Variants in ALK observed in about 807,000 individuals in gnomAD.
The protein encoded by ALK is ALK tyrosine kinase receptor.
A neutral mutation model predicts 163.1 loss-of-function variants in ALK; 74 were observed. That is an observed-to-expected ratio of 0.45 (90% CI 0.38 to 0.55). The LOEUF is 0.55. Among genes scored for constraint, ALK ranks in the 20% least tolerant of loss-of-function variants. The pLI is 0.00. For missense variants in ALK, 2,063 were observed against 2,105.3 expected (o/e 0.98, Z 0.39); for synonymous variants, 960 against 843.2 (o/e 1.14, Z -2.40).
intron 3 of ALK, among the ~76,000 whole-genome samples, chr2:29,556,028 TC>T (rs1050143315): frequency 9.2e-5 from 14 of 152,192 alleles, no homozygotes; most frequent in African/African-American, 2.7e-4. Flanking sequence ...GGATTTGAAA[TC>T]CTGAGCATCT....
chr2:29,833,027 G>C (rs772381369), intron 1 of ALK, among the ~76,000 whole-genome samples: 2 of 152,122 alleles, frequency 1.3e-5, no homozygotes, highest in South Asian at 2.1e-4. Flanking sequence ...GCCCAGTGTG[G>C]GTGGGTGCAC....
chr2:29,844,903 A>G (rs966258047), intron 1 of ALK, among the ~76,000 whole-genome samples: 3 of 151,770 alleles, frequency 2.0e-5, no homozygotes, highest in Admixed American at 2.0e-4. Context: ...GCACACACAC[A>G]CAGTACACAC....
intron 3 of ALK, among the ~76,000 whole-genome samples, chr2:29,679,618 T>C (rs1448834197): frequency 6.6e-6 from 1 of 151,954 alleles, no homozygotes; most frequent in Non-Finnish European, 1.5e-5. Flanking sequence ...CTACTCTCCA[T>C]TTTTGTGCTG....
intron 5 of ALK, among the ~76,000 whole-genome samples, chr2:29,364,772 C>T (rs186053783): frequency 6.6e-5 from 10 of 152,268 alleles, no homozygotes; most frequent in Non-Finnish European, 8.8e-5. Flanking sequence ...TTAATTCATC[C>T]ATTCATCATC....
intron 4 of ALK, among the ~76,000 whole-genome samples, chr2:29,419,373 G>A (rs1669962282): frequency 6.6e-6 from 1 of 151,332 alleles, no homozygotes; most frequent in Non-Finnish European, 1.5e-5. Context: ...ATTTCCCCAT[G>A]TGCTTATAAT....
At chr2:29,452,220 C>T (rs1670836838) in intron 4 of ALK, among the ~76,000 whole-genome samples, 1 of 152,178 alleles carries the variant, frequency 6.6e-6, no homozygotes, top group African/African-American at 2.4e-5. Flanking sequence ...CCAGCCATGC[C>T]TGGCTGATTT....
At chr2:29,799,318 G>T (rs1014267278) in intron 1 of ALK, among the ~76,000 whole-genome samples, 3 of 152,172 alleles carry the variant, frequency 2.0e-5, no homozygotes, top group Non-Finnish European at 4.4e-5. Flanking sequence ...TCAGAATGGG[G>T]TCACAGAAGA....
Position 29,254,030 on chromosome 2 carries a change from C to CATG in ALK, c.2042-2766_2042-2764dup, listed in dbSNP as rs1299393152. Among the ~76,000 whole-genome samples, 5 of 152,276 alleles carry CATG rather than the reference C, an allele frequency of 3.3e-5. No individual in the cohort carries two copies. In the East Asian group the frequency reaches 9.7e-4, roughly 30 times the overall value. On this transcript the variant is annotated intron_variant, in intron 11 of 28. Coordinates refer to ENST00000389048, the MANE Select transcript of ALK (RefSeq NM_004304.5). ...GGGTAAGTTTTCCCCATCCTGTTCT[C>CATG]ATGATAGTGAGTTAGTTCTCACAAG...
chr2:29,885,476 CT>C (rs1666963915), intron 1 of ALK, among the ~76,000 whole-genome samples: 1 of 151,560 alleles, frequency 6.6e-6, no homozygotes, highest in African/African-American at 2.4e-5. Context: ...TCAATTCCTG[CT>C]TGAGAAAACC....
intron 1 of ALK, among the ~76,000 whole-genome samples, chr2:29,863,266 G>C (rs1276280851): frequency 6.6e-6 from 1 of 152,112 alleles, no homozygotes; most frequent in African/African-American, 2.4e-5. Context: ...AGACAAAAGA[G>C]ATGGCATCAA....
At chr2:29,210,495 C>T (rs112955417) in intron 24 of ALK, among the ~76,000 whole-genome samples, 2,929 of 152,168 alleles carry the variant, frequency 0.019, 99 homozygotes, top group African/African-American at 0.065. Flanking sequence ...TGCAGTGGTG[C>T]GATCTTGGCT....
chr2:29,373,418 T>C (rs545446129), intron 5 of ALK, among the ~76,000 whole-genome samples: 1 of 152,230 alleles, frequency 6.6e-6, no homozygotes, highest in East Asian at 1.9e-4. Context: ...ATTATTTTAG[T>C]GTGATTAATC....
chr2:29,592,192 C>A (rs376859073), intron 3 of ALK, among the ~76,000 whole-genome samples: 3 of 152,074 alleles, frequency 2.0e-5, no homozygotes, highest in African/African-American at 4.8e-5. Flanking sequence ...CTGCTCCCTG[C>A]GGGTCTGACT....
At chr2:29,703,283 C>G (rs1035006222) in intron 2 of ALK, among the ~76,000 whole-genome samples, 1 of 152,200 alleles carries the variant, frequency 6.6e-6, no homozygotes, top group African/African-American at 2.4e-5. Context: ...ACTGTCCTCA[C>G]TTGTTGAATG....
intron 5 of ALK, among the ~76,000 whole-genome samples, chr2:29,371,369 C>T (rs1010242127): frequency 2.6e-5 from 4 of 152,268 alleles, no homozygotes; most frequent in African/African-American, 4.8e-5. Context: ...AAAAGGCTCC[C>T]TCACTCCCTG....
rs144096487 is a variant in ALK at position 29,365,566 on chromosome 2, A to G, written c.1282+18166T>C. On this transcript the variant is annotated intron_variant, in intron 5 of 28. Coordinates refer to ENST00000389048, the MANE Select transcript of ALK (RefSeq NM_004304.5). ...CACAAGTGGTGCTTTCCAAAAATGA[A>G]TCAGAACACACTCTGCATCCTGTCT... 7.9e-4 allele frequency among the ~76,000 whole-genome samples: 121 copies of G among 152,312 alleles called. 1 individual carries two copies. The highest frequency in any genetic ancestry group is 2.7e-3 in the African/African-American group (112 of 41,556).
intron 1 of ALK, among the ~76,000 whole-genome samples, chr2:29,889,292 T>C (rs1380031913): frequency 6.6e-6 from 1 of 152,048 alleles, no homozygotes; most frequent in Non-Finnish European, 1.5e-5. Flanking sequence ...ATACTCTCTA[T>C]ATATATCACA....
intron 1 of ALK, among the ~76,000 whole-genome samples, chr2:29,775,428 A>G (rs540303306): frequency 6.6e-6 from 1 of 152,276 alleles, no homozygotes; most frequent in East Asian, 1.9e-4. Flanking sequence ...TCCCTCCTAA[A>G]TAACTGCATA....
intron 4 of ALK, among the ~76,000 whole-genome samples, chr2:29,482,477 A>G (rs1344317861): frequency 6.6e-6 from 1 of 152,174 alleles, no homozygotes; most frequent in Non-Finnish European, 1.5e-5. Flanking sequence ...GTGGCTTAGT[A>G]TGCAAGAACA....
Sources: gnomAD v4.1 joint callset for allele counts (sites outside exome capture counted in the v4.1 genomes callset) on GRCh38, gnomAD v4.1.1 for gene constraint, MANE v1.5 for transcripts, NCBI Gene and HGNC (gene_info 2026-07-23, HGNC 2026-07-21) for gene names.